The following MYLK4 variants were observed in gnomAD, a reference collection of about 807,000 sequenced individuals.
The protein encoded by MYLK4 is caMLCK like.
Under a neutral mutation model 48.1 loss-of-function variants are expected in MYLK4, and 46 were observed. The ratio of observed to expected loss-of-function variants is 0.96; its 90% CI spans 0.75 to 1.22. The LOEUF (loss-of-function observed/expected upper bound fraction) is 1.22. Ranked by LOEUF, MYLK4 falls within the 50% of genes most tolerant of loss-of-function variation. The probability of loss-of-function intolerance (pLI) is 0.00; values close to 1 mark genes in which losing one functional copy is unlikely to be tolerated. For missense variants in MYLK4, 451 were observed against 486.1 expected, an observed-to-expected ratio of 0.93 and a Z score of 0.68; for synonymous variants, 170 against 180.8, an observed-to-expected ratio of 0.94 and a Z score of 0.48.
chr6:2,725,918 G>C (rs1028918000), intron 2 of MYLK4, among the ~76,000 whole-genome samples: 1 of 152,186 alleles, frequency 6.6e-6, no homozygotes. Flanking sequence ...ATCCAGCCAC[G>C]AGCTCTCTAT....
At chr6:2,762,100 G>T in the MYLK4 span, among the ~76,000 whole-genome samples, 1 of 152,174 alleles carries the variant, frequency 6.6e-6, no homozygotes, top group East Asian at 1.9e-4. Context: ...TTAGTAGACA[G>T]GGTTTCACCA....
chr6:2,735,025 G>A (rs1312673240), intron 2 of MYLK4, among the ~76,000 whole-genome samples: 2 of 152,176 alleles, frequency 1.3e-5, no homozygotes, highest in South Asian at 2.1e-4. Flanking sequence ...AACAGCACCT[G>A]TCAAAGCTTA....
intron 2 of MYLK4, among the ~76,000 whole-genome samples, chr6:2,722,728 G>A (rs572772628): frequency 1.2e-4 from 18 of 152,234 alleles, no homozygotes; most frequent in Non-Finnish European, 1.9e-4. Flanking sequence ...CTGGTGAGGG[G>A]GAATGGAGAC....
At chr6:2,767,706 G>C in the MYLK4 span, among the ~76,000 whole-genome samples, 1 of 152,228 alleles carries the variant, frequency 6.6e-6, no homozygotes, top group African/African-American at 2.4e-5. Flanking sequence ...ATAATCAGCT[G>C]TTGGTGGCCC....
At chr6:2,760,175 TATA>T in the MYLK4 span, among the ~76,000 whole-genome samples, 3,565 of 152,276 alleles carry the variant, frequency 0.023, 144 homozygotes, top group African/African-American at 0.081. Context: ...AGCAATACAG[TATA>T]ATAACTACTT....
intron 2 of MYLK4, among the ~76,000 whole-genome samples, chr6:2,714,765 T>A (rs1378828608): frequency 1.3e-5 from 2 of 152,198 alleles, no homozygotes; most frequent in Non-Finnish European, 2.9e-5. Flanking sequence ...CACAATAGAA[T>A]ATGATTCAGC....
intron 2 of MYLK4, among the ~76,000 whole-genome samples, chr6:2,741,858 A>G (rs2113360808): frequency 6.6e-6 from 1 of 152,344 alleles, no homozygotes; most frequent in East Asian, 1.9e-4. Context: ...TCTGAGGGCT[A>G]CAATCTCATA....
chr6:2,722,086 G>T (rs1763088631), intron 2 of MYLK4, among the ~76,000 whole-genome samples: 1 of 152,208 alleles, frequency 6.6e-6, no homozygotes. Flanking sequence ...CAGACTGTTG[G>T]AGAGTTGAAA....
intron 2 of MYLK4, among the ~76,000 whole-genome samples, chr6:2,747,013 CAG>C (rs1212135376): frequency 6.6e-6 from 1 of 152,190 alleles, no homozygotes; most frequent in African/African-American, 2.4e-5. Context: ...CGGAGAGAGA[CAG>C]GGAAATTTAT....
intron 2 of MYLK4, among the ~76,000 whole-genome samples, chr6:2,740,656 C>T (rs545319699): frequency 1.4e-4 from 22 of 152,220 alleles, no homozygotes; most frequent in Admixed American, 5.2e-4. Flanking sequence ...GCCACCCTCA[C>T]GCATGCTTGG....
intron 2 of MYLK4, among the ~76,000 whole-genome samples, chr6:2,694,578 CTGG>C (rs74207680): frequency 0.021 from 948 of 46,154 alleles, 10 homozygotes; most frequent in African/African-American, 0.041. Flanking sequence ...GGTAGTGCTG[CTGG>C]TGGTGGTGGT....
At chr6:2,701,375 G>A (rs1014703996) in intron 2 of MYLK4, among the ~76,000 whole-genome samples, 1 of 152,178 alleles carries the variant, frequency 6.6e-6, no homozygotes, top group Non-Finnish European at 1.5e-5. Context: ...CACGCCGGCC[G>A]AGGCTCAGAG....
At chr6:2,768,084 C>G in the MYLK4 span, among the ~76,000 whole-genome samples, 4 of 152,122 alleles carry the variant, frequency 2.6e-5, no homozygotes, top group African/African-American at 9.7e-5. Context: ...AGTGCTTTAC[C>G]TGGGTCTCCT....
At chr6:2,765,456 G>T in the MYLK4 span, 1 of 812,202 alleles carries the variant, frequency 1.2e-6, no homozygotes, top group Non-Finnish European at 1.6e-6. Context: ...GGACGCGGGA[G>T]CTGCGGACGT....
chr6:2,734,642 T>C (rs1027707033), intron 2 of MYLK4, among the ~76,000 whole-genome samples: 6 of 152,206 alleles, frequency 3.9e-5, no homozygotes, highest in African/African-American at 1.4e-4. Context: ...ATACATATTA[T>C]ACACACACAT....
chr6:2,751,694 T>A (rs1057314670), upstream of MYLK4, among the ~76,000 whole-genome samples: 2 of 152,166 alleles, frequency 1.3e-5, no homozygotes, highest in Non-Finnish European at 2.9e-5. Flanking sequence ...AGCCCCTCTA[T>A]GCCCCATTCT....
the MYLK4 span, chr6:2,766,015 C>T: frequency 1.9e-5 from 25 of 1,339,790 alleles, no homozygotes; most frequent in East Asian, 2.5e-4. Context: ...TGGCCCGCTC[C>T]AGCAGCCCCG....
the MYLK4 span, chr6:2,765,853 C>A: frequency 1.1e-4 from 161 of 1,422,976 alleles, no homozygotes; most frequent in Non-Finnish European, 1.4e-4. Flanking sequence ...TGTCGGAGAG[C>A]TCGGCGCTGA....
chr6:2,765,789 G>T, the MYLK4 span: 1 of 1,416,180 alleles, frequency 7.1e-7, no homozygotes, highest in Non-Finnish European at 9.2e-7. Context: ...GGGTCGCACC[G>T]CGCCGGGGAG....
Sources: gnomAD v4.1 joint callset for allele counts (sites outside exome capture counted in the v4.1 genomes callset) on GRCh38, gnomAD v4.1.1 for gene constraint, MANE v1.5 for transcripts, NCBI Gene and HGNC (gene_info 2026-07-23, HGNC 2026-07-21) for gene names.